Variants in ATL3 observed in about 807,000 individuals in gnomAD.
ATL3 encodes the protein atlastin GTPase 3, also known as atlastin-3.
In ATL3, 49 loss-of-function variants were observed where a neutral mutation model predicts 69.5. The ratio of observed to expected loss-of-function variants is 0.71; its 90% CI spans 0.56 to 0.89. The LOEUF (loss-of-function observed/expected upper bound fraction) is 0.89. Ranked by LOEUF, ATL3 falls within the 40% of genes least tolerant of loss-of-function variation. The pLI is 0.00. For synonymous variants in ATL3, 214 were observed against 224.1 expected, an observed-to-expected ratio of 0.95 and a Z score of 0.40; for missense variants, 606 against 645.7, an observed-to-expected ratio of 0.94 and a Z score of 0.67.
chr11:63,643,426 T>C lies in ATL3; in HGVS notation c.781A>G (p.Thr261Ala), dbSNP rs756868720. 1.2e-6 allele frequency: 2 copies of C among 1,612,960 alleles called. No homozygotes were observed. The highest frequency in any genetic ancestry group is 3.3e-5 in the Admixed American group (2 of 59,866). Residue 261 changes from threonine (T) to alanine (A), a missense_variant, in exon 8 of 13, where the codon ACC becomes GCC. Physicochemically the swap from Thr to Ala is moderately conservative, Grantham distance 58. Transcript: ENST00000398868. ...CCTGGATGTGGTAAGAGAAAGCAGGTGACATCGGAGAAACATGAGTGAATG... is the reference window on the plus strand; with the variant it reads ...CCTGGATGTGGTAAGAGAAAGCAGGCGACATCGGAGAAACATGAGTGAATG... ...NHIHSCFSDVTCFLLPHPGLQ... is the reference protein window; with the variant it reads ...NHIHSCFSDVACFLLPHPGLQ...
intron 1 of ATL3, among the ~76,000 whole-genome samples, chr11:63,663,099 T>G (rs1940470028): frequency 6.6e-6 from 1 of 151,444 alleles, no homozygotes; most frequent in Non-Finnish European, 1.5e-5. Flanking sequence ...TAGTATCAGA[T>G]AGCAACAGAA....
intron 8 of ATL3, among the ~76,000 whole-genome samples, chr11:63,642,802 G>A (rs1044387098): frequency 6.6e-6 from 1 of 152,192 alleles, no homozygotes; most frequent in Non-Finnish European, 1.5e-5. Flanking sequence ...CAAGTGCTCA[G>A]TTTAACACAT....
chr11:63,646,449 G>C, intron 6 of ATL3, 58 bp downstream of exon 6: 1 of 1,106,776 alleles, frequency 9.0e-7, no homozygotes, highest in Non-Finnish European at 1.3e-6. Context: ...GCTGTAGTTT[G>C]CCAATCTGTG....
chr11:63,671,427 G>T, upstream of ATL3: 1 of 1,513,822 alleles, frequency 6.6e-7, no homozygotes, highest in South Asian at 1.2e-5. Flanking sequence ...AGCGGGAAAC[G>T]GGCGGAGCCT....
Position 63,631,316 on chromosome 11 carries a change from G to T in ATL3, c.1263C>A (p.Ile421=). The change falls in exon 12 of 13, where the codon ATC becomes ATA. Residue 421 remains isoleucine, a synonymous_variant. Coordinates refer to ENST00000398868, the MANE Select transcript of ATL3 (RefSeq NM_015459.5). ...TGCAGAAGTTCTCATATAATTCCTT[G>T]ATTTCCTCCTCCAGCTCCTGCTGGT... ...FRYQQELEEE[I]KELYENFCKH... 1.2e-6 allele frequency: 2 copies of T among 1,614,162 alleles called. No individual in the cohort carries two copies. Among genetic ancestry groups the T allele is most frequent in the Non-Finnish European group, 1.7e-6 (2 of 1,180,030 alleles).
chr11:63,642,515 T>C (rs1022879727), intron 8 of ATL3, among the ~76,000 whole-genome samples: 4 of 152,224 alleles, frequency 2.6e-5, no homozygotes, highest in African/African-American at 7.2e-5. Flanking sequence ...TTCCTCCATA[T>C]AACAGAAGAA....
At chr11:63,669,410 C>T (rs778161018) in intron 1 of ATL3, among the ~76,000 whole-genome samples, 10 of 151,786 alleles carry the variant, frequency 6.6e-5, no homozygotes, top group Non-Finnish European at 1.5e-4. Context: ...TGGAGGGCGC[C>T]TGTAATCCCA....
intron 12 of ATL3, among the ~76,000 whole-genome samples, chr11:63,630,028 T>C (rs1293372558): frequency 6.6e-6 from 1 of 152,164 alleles, no homozygotes; most frequent in Non-Finnish European, 1.5e-5. Context: ...TTCATAATTT[T>C]TTCAAAGTTC....
rs184425803 is a variant in ATL3, at chr11:63,630,385, C to G, written c.1539+655G>C. Among the ~76,000 whole-genome samples the G allele has an allele frequency of 4.7e-5, 7 of 148,184 alleles. No individual in the cohort carries two copies. In the Admixed American group the frequency reaches 4.7e-4, roughly 10 times the overall value. On this transcript the variant is annotated intron_variant, in intron 12 of 12. Coordinates refer to ENST00000398868, the MANE Select transcript of ATL3 (RefSeq NM_015459.5). Reference sequence around the variant, plus strand: ...GAGGTTGCAGTGAGCCAAGATCACACCACTTCACTCCAGCCTGGGCAAAAG... The same window carrying G: ...GAGGTTGCAGTGAGCCAAGATCACAGCACTTCACTCCAGCCTGGGCAAAAG...
At chr11:63,656,650 C>T (rs1940259233) in intron 3 of ATL3, among the ~76,000 whole-genome samples, 1 of 151,068 alleles carries the variant, frequency 6.6e-6, no homozygotes, top group African/African-American at 2.4e-5. Context: ...AGGAGAATTG[C>T]TTGAACCCGG....
chr11:63,669,025 G>C lies in ATL3; in HGVS notation c.46+2265C>G, dbSNP rs1246991693. Among the ~76,000 whole-genome samples, 9 of 140,626 alleles carry C rather than the reference G, an allele frequency of 6.4e-5. No individual in the cohort carries two copies. In the South Asian group the frequency reaches 9.1e-4, roughly 14 times the overall value. The allele number at this position is 140,626 out of a possible 152,430, so 92.3% of individuals were successfully genotyped here. On this transcript the variant is annotated intron_variant, in intron 1 of 12. Transcript: ENST00000398868. ...AATTTTTTTTTGGGTGGGGGGGGGC[G>C]TCTCACCATGTTGGCCAGGCTGGTC...
chr11:63,652,777 T>A (rs999633316), intron 3 of ATL3, among the ~76,000 whole-genome samples: 1 of 152,188 alleles, frequency 6.6e-6, no homozygotes, highest in Admixed American at 6.6e-5. Flanking sequence ...TCCAGCGTTA[T>A]ACAGAGCAAT....
At chr11:63,632,512 C>G (rs1939354742) in intron 11 of ATL3, 5 of 853,016 alleles carry the variant, frequency 5.9e-6, no homozygotes, top group Non-Finnish European at 1.0e-5. Context: ...CACCACTAGT[C>G]CATCAGATTT....
chr11:63,652,664 C>G, intron 3 of ATL3, 89 bp from the exon 4 acceptor site: 2 of 850,410 alleles, frequency 2.4e-6, no homozygotes, highest in Non-Finnish European at 3.7e-6. Flanking sequence ...GTAATATATA[C>G]TTAAGTACAG....
Position 63,629,342 on chromosome 11 carries a change from A to ATGGTC in ATL3, c.1598_1602dup (p.Ser535AspfsTer14). The ATGGTC allele has an allele frequency of 6.2e-7, 1 of 1,614,044 alleles. No homozygotes were observed. Among genetic ancestry groups the ATGGTC allele is most frequent in the Non-Finnish European group, 8.5e-7 (1 of 1,179,956 alleles). ...TGCTATTGAGCTTTTTTATCCATGGATGGTCTTCCAACAACTGCATCCCTC... is the reference window on the plus strand; with the variant it reads ...TGCTATTGAGCTTTTTTATCCATGGATGGTCTGGTCTTCCAACAACTGCATCCCTC... On this transcript the variant is annotated frameshift_variant, in exon 13 of 13. Coordinates refer to ENST00000398868, the MANE Select transcript of ATL3 (RefSeq NM_015459.5). LOFTEE classifies it high-confidence loss of function.
chr11:63,645,811 A>C (rs1939856038), intron 6 of ATL3, among the ~76,000 whole-genome samples: 1 of 151,526 alleles, frequency 6.6e-6, no homozygotes, highest in African/African-American at 2.4e-5. Context: ...TCTGTCGCCC[A>C]GGCTGGAGTA....
At chr11:63,664,295 T>C (rs540528538) in intron 1 of ATL3, among the ~76,000 whole-genome samples, 26 of 152,246 alleles carry the variant, frequency 1.7e-4, no homozygotes, top group Non-Finnish European at 1.3e-4. Flanking sequence ...TCCCAGCACC[T>C]TGGGAGGCCG....
Position 63,645,558 on chromosome 11 carries a change from G to C in ATL3, c.618+949C>G, listed in dbSNP as rs543009351. The stretch of plus-strand genomic sequence containing the variant: ...CTTTTTGCAGAGAGAGAGAGAGAGA[G>C]AGAGACAGAGAGAGACAGAGAGTGA... On this transcript the variant is annotated intron_variant, in intron 6 of 12. Transcript: ENST00000398868. Among the ~76,000 whole-genome samples, 25 of 151,840 alleles carry C rather than the reference G, an allele frequency of 1.6e-4. No individual in the cohort carries two copies. In the East Asian group the frequency reaches 2.7e-3, roughly 17 times the overall value.
chr11:63,648,493 G>GT (rs1939962851), intron 5 of ATL3, among the ~76,000 whole-genome samples: 1 of 152,188 alleles, frequency 6.6e-6, no homozygotes, highest in African/African-American at 2.4e-5. Flanking sequence ...TCTTAAATAG[G>GT]TAGTCAAGGA....
Sources: allele counts gnomAD v4.1 joint callset (sites outside exome capture counted in the v4.1 genomes callset), GRCh38; gene constraint gnomAD v4.1.1; transcripts MANE v1.5; gene names NCBI Gene and HGNC (gene_info 2026-07-23, HGNC 2026-07-21).